The following ATF7 variants were observed in gnomAD, a reference collection of about 807,000 sequenced individuals.
ATF7 encodes the protein activating transcription factor 7.
In ATF7, 10 loss-of-function variants were observed where a neutral mutation model predicts 50.4. The ratio of observed to expected loss-of-function variants is 0.20; its 90% CI spans 0.12 to 0.34. The LOEUF (loss-of-function observed/expected upper bound fraction) is 0.34, where lower values mean the gene tolerates loss of function less well. Ranked by LOEUF, ATF7 falls within the 10% of genes least tolerant of loss-of-function variation. The pLI, the probability that ATF7 is intolerant of heterozygous loss-of-function variation, is 1.00. For synonymous variants in ATF7, 201 were observed against 226.4 expected (o/e 0.89, Z 1.01); for missense variants, 465 against 613.9 (o/e 0.76, Z 2.56).
chr12:53,542,307 G>C (rs1431391005), intron 4 of ATF7, among the ~76,000 whole-genome samples: 3 of 151,654 alleles, frequency 2.0e-5, no homozygotes, highest in African/African-American at 2.4e-5. Context: ...GGCGCCTGTA[G>C]TTCCAGCTAC....
intron 7 of ATF7, 98 bp from the exon 8 acceptor site, chr12:53,532,721 C>T (rs1938981296): frequency 8.4e-6 from 7 of 836,728 alleles, no homozygotes; most frequent in Admixed American, 2.4e-5. Flanking sequence ...GAGATTGGCA[C>T]ATCAGGGCCT....
Position 53,523,283 on chromosome 12 carries a change from G to A in ATF7, c.1227C>T (p.Gly409=). 1.2e-6 allele frequency: 2 copies of A among 1,610,662 alleles called. No individual in the cohort carries two copies. Residue 409 remains glycine, a synonymous_variant, in exon 11 of 12, where the codon GGC becomes GGT. Coordinates refer to ENST00000420353, the MANE Select transcript of ATF7 (RefSeq NM_006856.3). ...PVTALQKKTQ[G]YLESPKESSE... is the part of the protein sequence containing the mutation. ...AGGTTGTGTGCCACTCACCTAAATA[G>A]CCTTGAGTCTTTTTCTGTAGTGCAG...
chr12:53,609,821 C>CTTTTTTTTTTTTTTTTTTTT (rs757421100), intron 1 of ATF7, among the ~76,000 whole-genome samples: 1 of 115,960 alleles, frequency 8.6e-6, no homozygotes, highest in African/African-American at 3.4e-5. Flanking sequence ...AAATGTTATG[C>CTTTTTTTTTTTTTTTTTTTT]TTTTTTTTTT....
At chr12:53,565,603 G>A (rs1351856403) in intron 2 of ATF7, among the ~76,000 whole-genome samples, 5 of 151,930 alleles carry the variant, frequency 3.3e-5, no homozygotes, top group Non-Finnish European at 7.4e-5. Flanking sequence ...AGTGATTCTC[G>A]TACTTCGGCC....
At chr12:53,576,156 A>G (rs1022101287) in intron 2 of ATF7, 1 of 152,408 alleles carries the variant, frequency 6.6e-6, no homozygotes, top group Non-Finnish European at 1.5e-5. Context: ...TTGTTTATGG[A>G]TATATCACGA....
chr12:53,520,705 T>C (rs140418044), intron 11 of ATF7, among the ~76,000 whole-genome samples: 1 of 152,044 alleles, frequency 6.6e-6, no homozygotes, highest in African/African-American at 2.4e-5. Context: ...GTTCCTGATA[T>C]ACCTCCCAAA....
At chr12:53,588,327 G>A (rs1347605459) in intron 2 of ATF7, among the ~76,000 whole-genome samples, 1 of 152,184 alleles carries the variant, frequency 6.6e-6, no homozygotes, top group Non-Finnish European at 1.5e-5. Flanking sequence ...AAGAAGGACA[G>A]GATGTGAGAC....
At chr12:53,565,387 C>G (rs899183137) in intron 2 of ATF7, among the ~76,000 whole-genome samples, 1 of 149,762 alleles carries the variant, frequency 6.7e-6, no homozygotes, top group African/African-American at 2.5e-5. Context: ...TAGCCAAAGT[C>G]CTGGTCATCT....
At chr12:53,619,298 T>A (rs1029531100) in intron 1 of ATF7, among the ~76,000 whole-genome samples, 2 of 151,328 alleles carry the variant, frequency 1.3e-5, no homozygotes, top group African/African-American at 4.9e-5. Flanking sequence ...GAGACCAGCC[T>A]GCAACATGGT....
chr12:53,508,659 C>T (rs1194744057), downstream of ATF7, among the ~76,000 whole-genome samples: 3 of 152,114 alleles, frequency 2.0e-5, no homozygotes, highest in Admixed American at 6.5e-5. Context: ...CCCATCCTCA[C>T]TAGAGAGCAC....
At chr12:53,526,331 C>T (rs1938469920) in intron 9 of ATF7, among the ~76,000 whole-genome samples, 1 of 151,990 alleles carries the variant, frequency 6.6e-6, no homozygotes, top group Non-Finnish European at 1.5e-5. Context: ...TCCTCCTCCT[C>T]CTCCTCCTCA....
At chr12:53,563,137 C>CT (rs1241823810) in intron 2 of ATF7, among the ~76,000 whole-genome samples, 3 of 152,142 alleles carry the variant, frequency 2.0e-5, no homozygotes, top group African/African-American at 7.2e-5. Context: ...CCATTGTTTA[C>CT]TGGAATACTA....
chr12:53,587,844 T>TATATATATATATATA (rs1491300296), intron 2 of ATF7, among the ~76,000 whole-genome samples: 420 of 40,390 alleles, frequency 0.01, 1 homozygote, highest in East Asian at 0.017. Context: ...TATATATATA[T>TATATATATATATATA]TTTTTTTTTT....
At chr12:53,600,746 T>C (rs1204381318) in intron 2 of ATF7, 5 of 504,370 alleles carry the variant, frequency 9.9e-6, no homozygotes, top group Non-Finnish European at 1.8e-5. Flanking sequence ...ACCAGTAGAA[T>C]AACAATATGG....
intron 1 of ATF7, among the ~76,000 whole-genome samples, chr12:53,619,961 CATG>C (rs1210719516): frequency 1.3e-5 from 2 of 151,882 alleles, no homozygotes; most frequent in Non-Finnish European, 2.9e-5. Context: ...GCCTGGGAAA[CATG>C]ATGAGACCTC....
rs543048867 is a variant in ATF7, at chr12:53,555,490, ATTT to A, written c.49-2856_49-2854del. On this transcript the variant is annotated intron_variant, in intron 2 of 11. Coordinates refer to ENST00000420353, the MANE Select transcript of ATF7 (RefSeq NM_006856.3). ...AGTTTATAAAGAAGAAAATAATATA[ATTT>A]TTTTTTTTTTTTTTTTTTTTTTTTT... Among the ~76,000 whole-genome samples the A allele has an allele frequency of 6.3e-3, 632 of 100,548 alleles. 1 individual carries two copies. The highest frequency in any genetic ancestry group is 0.013 in the Middle Eastern group (2 of 150). The allele number at this position is 100,548 out of a possible 152,430, so 66.0% of individuals were successfully genotyped here.
At chr12:53,583,182 A>G (rs1443280609) in intron 2 of ATF7, among the ~76,000 whole-genome samples, 1 of 152,192 alleles carries the variant, frequency 6.6e-6, no homozygotes, top group Non-Finnish European at 1.5e-5. Flanking sequence ...GCAGGGGGTG[A>G]GCAGCAGGCA....
chr12:53,511,007 C>G (rs1339320005), downstream of ATF7, among the ~76,000 whole-genome samples: 1 of 152,216 alleles, frequency 6.6e-6, no homozygotes, highest in Non-Finnish European at 1.5e-5. Context: ...GAGGCACAGG[C>G]TATTTGTGTC....
At chr12:53,545,986 A>T (rs1356597948) in intron 3 of ATF7, among the ~76,000 whole-genome samples, 1 of 152,102 alleles carries the variant, frequency 6.6e-6, no homozygotes, top group Non-Finnish European at 1.5e-5. Context: ...TGAGGTCGGG[A>T]GTTTGAGACC....
Sources: allele counts gnomAD v4.1 joint callset (sites outside exome capture counted in the v4.1 genomes callset), GRCh38; gene constraint gnomAD v4.1.1; transcripts MANE v1.5; gene names NCBI Gene and HGNC (gene_info 2026-07-23, HGNC 2026-07-21).